The following ABCG8 variants were observed in gnomAD, a reference collection of about 807,000 sequenced individuals.
The protein encoded by ABCG8 is ATP-binding cassette sub-family G member 8.
A neutral mutation model predicts 71.3 loss-of-function variants in ABCG8; 81 were observed. That is an observed-to-expected ratio of 1.14 (90% CI 0.95 to 1.37). ABCG8 has a LOEUF of 1.37. Ranked by LOEUF, ABCG8 falls within the 40% of genes most tolerant of loss-of-function variation. The pLI, the probability that ABCG8 is intolerant of heterozygous loss-of-function variation, is 0.00. For missense variants in ABCG8, 1,119 were observed against 866.2 expected, an observed-to-expected ratio of 1.29 and a Z score of -3.66; for synonymous variants, 451 against 354.7, an observed-to-expected ratio of 1.27 and a Z score of -3.05.
At chr2:43,871,426 G>C (rs12329388) in intron 6 of ABCG8, among the ~76,000 whole-genome samples, 1 of 141,052 alleles carries the variant, frequency 7.1e-6, no homozygotes. Context: ...AACTGTCACT[G>C]TCTATCTGGA....
At chr2:43,857,567 A>T (rs1366868832) in intron 6 of ABCG8, among the ~76,000 whole-genome samples, 1 of 151,706 alleles carries the variant, frequency 6.6e-6, no homozygotes. Flanking sequence ...CACTATCTGG[A>T]TAGAATTCTC....
intron 3 of ABCG8, 53 bp downstream of exon 3, chr2:43,846,364 G>A (rs532694064): frequency 1.2e-6 from 2 of 1,612,318 alleles, no homozygotes; most frequent in Non-Finnish European, 1.7e-6. Flanking sequence ...GATACAGAAT[G>A]GTCCTTTGGA....
Position 43,878,587 on chromosome 2 carries a change from T to G in ABCG8, c.*674T>G, listed in dbSNP as rs1405197787. 1 of 162,932 alleles carries G rather than the reference T, an allele frequency of 6.1e-6. No homozygotes were observed. Among genetic ancestry groups the G allele is most frequent in the Non-Finnish European group, 1.4e-5 (1 of 73,538 alleles). 10.1% of individuals were successfully genotyped at this position (162,932 alleles called of 1,614,324 possible). On this transcript the variant is annotated 3_prime_UTR_variant, in exon 13 of 13. Coordinates refer to ENST00000272286, the MANE Select transcript of ABCG8 (RefSeq NM_022437.3). ...ATTTTCCTAAGGGCACATGGATACT[T>G]TGTGGTGGAGTCATATGGGGATCAG...
chr2:43,868,419 T>A (rs1669612462), intron 6 of ABCG8, among the ~76,000 whole-genome samples: 1 of 151,802 alleles, frequency 6.6e-6, no homozygotes, highest in Non-Finnish European at 1.5e-5. Flanking sequence ...TCTTTCTCGA[T>A]AGAACTGTCA....
chr2:43,860,235 G>C (rs1335542197), intron 6 of ABCG8, among the ~76,000 whole-genome samples: 2 of 150,958 alleles, frequency 1.3e-5, no homozygotes, highest in Non-Finnish European at 3.0e-5. Context: ...CTCTCTGGTA[G>C]AATTCTCATG....
Position 43,875,237 on chromosome 2 carries a change from CCTTCCTGCTGCA to C in ABCG8, c.1591_1602del (p.His531_Leu534del). On this transcript the variant is annotated inframe_deletion, in exon 11 of 13. Transcript: ENST00000272286. ...GCCAACCTGAGGCCAGGCCTCCAGCCCTTCCTGCTGCACTTCCTGCTGGTGTGGCTGGTGGTC... is the reference window on the plus strand; with the variant it reads ...GCCAACCTGAGGCCAGGCCTCCAGCCCTTCCTGCTGGTGTGGCTGGTGGTC... The C allele has an allele frequency of 1.2e-6, 2 of 1,614,246 alleles. No homozygotes were observed. Among genetic ancestry groups the C allele is most frequent in the Non-Finnish European group, 1.7e-6 (2 of 1,180,058 alleles).
intron 6 of ABCG8, among the ~76,000 whole-genome samples, chr2:43,864,114 A>G (rs1669434970): frequency 6.6e-6 from 1 of 151,670 alleles, no homozygotes; most frequent in African/African-American, 2.4e-5. Context: ...ATCTATCTGG[A>G]TAGAATTCCC....
intron 1 of ABCG8, among the ~76,000 whole-genome samples, chr2:43,841,161 G>A (rs943191628): frequency 2.0e-5 from 3 of 152,182 alleles, no homozygotes; most frequent in African/African-American, 7.2e-5. Flanking sequence ...CCCTCCAGCC[G>A]TGAGTGTCAG....
In ABCG8 at chr2:43,881,264, T is replaced by C. The variant is rs899469197; in HGVS notation, c.*3351T>C. 1 of 152,224 alleles carries C rather than the reference T, an allele frequency of 6.6e-6. No individual in the cohort carries two copies. The highest frequency in any genetic ancestry group is 2.4e-5 in the African/African-American group (1 of 41,454). The allele number at this position is 152,224 out of a possible 1,614,324, so 9.4% of individuals were successfully genotyped here. A position where few individuals can be genotyped will look rare whatever the true frequency, so the allele number is the denominator to read the frequency against. Reference sequence around the variant, plus strand: ...GAAAATATAGCAGCTGCCATTTATTTGTGTTTTTCCTACAGCGGTGGTTCT... The same window carrying C: ...GAAAATATAGCAGCTGCCATTTATTCGTGTTTTTCCTACAGCGGTGGTTCT... On this transcript the variant is annotated 3_prime_UTR_variant, in exon 13 of 13. Coordinates refer to ENST00000272286, the MANE Select transcript of ABCG8 (RefSeq NM_022437.3).
chr2:43,848,928 G>A (rs184111331), intron 3 of ABCG8, among the ~76,000 whole-genome samples: 68 of 151,380 alleles, frequency 4.5e-4, no homozygotes, highest in Admixed American at 8.6e-4. Context: ...AGGCTGATGT[G>A]GGAGAATCGC....
At chr2:43,874,613 C>A in intron 10 of ABCG8, 130 bp downstream of exon 10, 1 of 767,370 alleles carries the variant, frequency 1.3e-6, no homozygotes, top group Non-Finnish European at 2.3e-6. Context: ...ACCGATGCCA[C>A]CAGATGCCAC....
chr2:43,845,974 G>A (rs1212882153), intron 2 of ABCG8, among the ~76,000 whole-genome samples, 181 bp from the exon 3 acceptor site: 1 of 152,194 alleles, frequency 6.6e-6, no homozygotes, highest in Admixed American at 6.5e-5. Flanking sequence ...GCAGCTACAG[G>A]TTCTCAGCAT....
rs1669963309 is a variant in ABCG8, at chr2:43,876,513, T to A, written c.1757-1048T>A. Among the ~76,000 whole-genome samples, 3 of 151,390 alleles carry A rather than the reference T, an allele frequency of 2.0e-5. No homozygotes were observed. In the South Asian group the frequency reaches 6.3e-4, roughly 32 times the overall value. On this transcript the variant is annotated intron_variant, in intron 11 of 12. Coordinates refer to ENST00000272286, the MANE Select transcript of ABCG8 (RefSeq NM_022437.3). The stretch of plus-strand genomic sequence containing the variant: ...AGAATAGGAGGAGACCGTGGGAATA[T>A]GGGGAGACGGTGAGAATATGGGAAG...
chr2:43,873,764 A>C (rs776119046), intron 8 of ABCG8, 23 bp from the exon 9 acceptor site: 1 of 1,613,528 alleles, frequency 6.2e-7, no homozygotes. Context: ...TTGCCTCAGC[A>C]TCTCTTCCTT....
intron 6 of ABCG8, among the ~76,000 whole-genome samples, chr2:43,863,138 T>A (rs1346254594): frequency 1.4e-5 from 2 of 145,416 alleles, no homozygotes; most frequent in African/African-American, 2.6e-5. Context: ...TCTCTGGATA[T>A]AACTCTCACT....
chr2:43,874,804 C>G (rs575534912), intron 10 of ABCG8, among the ~76,000 whole-genome samples: 2 of 152,282 alleles, frequency 1.3e-5, no homozygotes, highest in South Asian at 4.1e-4. Flanking sequence ...CAGGTGTTTC[C>G]AGGAAGCAGA....
intron 6 of ABCG8, among the ~76,000 whole-genome samples, chr2:43,857,760 A>T (rs1186635785): frequency 2.0e-5 from 3 of 151,388 alleles, no homozygotes; most frequent in Non-Finnish European, 4.4e-5. Flanking sequence ...CTGAGGATAG[A>T]TTTCCAACTA....
At chr2:43,874,348 A>T in intron 9 of ABCG8, 59 bp from the exon 10 acceptor site, 4 of 1,331,956 alleles carry the variant, frequency 3.0e-6, no homozygotes, top group Non-Finnish European at 4.3e-6. Flanking sequence ...TCTCCAAAAC[A>T]GAAGCACTGT....
intron 8 of ABCG8, among the ~76,000 whole-genome samples, chr2:43,873,303 C>T (rs1403435640): frequency 1.3e-5 from 2 of 151,902 alleles, no homozygotes; most frequent in African/African-American, 4.8e-5. Flanking sequence ...ATTCTCCTGC[C>T]TCAGCCTCCC....
Sources: gnomAD v4.1 joint callset for allele counts (sites outside exome capture counted in the v4.1 genomes callset) on GRCh38, gnomAD v4.1.1 for gene constraint, MANE v1.5 for transcripts, NCBI Gene and HGNC (gene_info 2026-07-23, HGNC 2026-07-21) for gene names.